Variants in MED12L observed in about 807,000 individuals in gnomAD.
The protein encoded by MED12L is mediator of RNA polymerase II transcription subunit 12-like protein.
In MED12L, 60 loss-of-function variants were observed where a neutral mutation model predicts 281.3. The ratio of observed to expected loss-of-function variants is 0.21; its 90% CI spans 0.17 to 0.26. The LOEUF is 0.26. Ranked by LOEUF, MED12L falls within the 10% of genes least tolerant of loss-of-function variation. The pLI, the probability that MED12L is intolerant of heterozygous loss-of-function variation, is 1.00. For missense variants in MED12L, 2,146 were observed against 2,680.9 expected (o/e 0.80, Z 4.41); for synonymous variants, 974 against 987.2 (o/e 0.99, Z 0.25).
chr3:151,227,934 T>C (rs1348366393), intron 16 of MED12L, among the ~76,000 whole-genome samples: 1 of 152,256 alleles, frequency 6.6e-6, no homozygotes, highest in Non-Finnish European at 1.5e-5. Flanking sequence ...CCATGGTTTG[T>C]GCAACCAGCC....
chr3:151,435,552 T>TA lies in MED12L; in HGVS notation c.*2748_*2749insA, dbSNP rs1392813050. On this transcript the variant is annotated 3_prime_UTR_variant, in exon 45 of 45. Transcript: ENST00000687756. ...TTGGCAGGGGCTAACTTATTAGTAATTCTCGGTTTTGTGCACTGAGATATC... is the reference window on the plus strand; with the variant it reads ...TTGGCAGGGGCTAACTTATTAGTAATATCTCGGTTTTGTGCACTGAGATATC... The TA allele has an allele frequency of 1.3e-5, 2 of 152,142 alleles. No homozygotes were observed. Among genetic ancestry groups the TA allele is most frequent in the African/African-American group, 4.8e-5 (2 of 41,420 alleles). 9.4% of individuals were successfully genotyped at this position (152,142 alleles called of 1,614,324 possible).
At chr3:151,210,629 C>G (rs568424940) in intron 16 of MED12L, among the ~76,000 whole-genome samples, 47 of 152,342 alleles carry the variant, frequency 3.1e-4, no homozygotes, top group African/African-American at 1.1e-3. Context: ...GGTTTTTAGT[C>G]GTCATGAGTG....
intron 39 of MED12L, among the ~76,000 whole-genome samples, chr3:151,396,185 A>AT (rs1232246693): frequency 6.8e-6 from 1 of 147,634 alleles, no homozygotes; most frequent in Non-Finnish European, 1.5e-5. Flanking sequence ...GTTTAGAGCC[A>AT]TTTAAAACCT....
chr3:151,381,236 C>G (rs1044170786), intron 32 of MED12L, among the ~76,000 whole-genome samples: 12 of 152,274 alleles, frequency 7.9e-5, no homozygotes, highest in African/African-American at 2.9e-4. Context: ...TCGAATGGTA[C>G]TAGATGGACA....
intron 16 of MED12L, among the ~76,000 whole-genome samples, chr3:151,265,518 C>T (rs760744813): frequency 5.3e-5 from 8 of 152,144 alleles, no homozygotes; most frequent in Non-Finnish European, 8.8e-5. Flanking sequence ...CGGTCACTGC[C>T]ATCATCCTCC....
At chr3:151,242,637 C>G (rs1734439549) in intron 16 of MED12L, among the ~76,000 whole-genome samples, 1 of 152,158 alleles carries the variant, frequency 6.6e-6, no homozygotes, top group South Asian at 2.1e-4. Context: ...CATCAAAGAC[C>G]AAAAGTAGAT....
At chr3:151,367,536 T>G in intron 23 of MED12L, 110 bp from the exon 24 acceptor site, 1 of 911,348 alleles carries the variant, frequency 1.1e-6, no homozygotes, top group Non-Finnish European at 1.6e-6. Flanking sequence ...TGCTGGTTCA[T>G]GTTGGGATTT....
intron 16 of MED12L, among the ~76,000 whole-genome samples, chr3:151,217,501 C>G (rs1728474755): frequency 6.6e-6 from 1 of 152,222 alleles, no homozygotes; most frequent in Non-Finnish European, 1.5e-5. Flanking sequence ...GCAGCTTTGC[C>G]TCCTGAAATG....
At chr3:151,218,286 C>T (rs188597588) in intron 16 of MED12L, among the ~76,000 whole-genome samples, 2 of 152,250 alleles carry the variant, frequency 1.3e-5, no homozygotes, top group Admixed American at 1.3e-4. Context: ...TCATGCCAGT[C>T]CATTAAAGAG....
At chr3:151,306,612 G>A (rs1269887096) in intron 16 of MED12L, among the ~76,000 whole-genome samples, 1 of 152,222 alleles carries the variant, frequency 6.6e-6, no homozygotes, top group Non-Finnish European at 1.5e-5. Flanking sequence ...CACAGAGCCA[G>A]CCTGCTGTTG....
chr3:151,430,205 T>A, intron 43 of MED12L, 94 bp from the exon 44 acceptor site: 1 of 1,569,522 alleles, frequency 6.4e-7, no homozygotes, highest in Non-Finnish European at 8.7e-7. Context: ...TGTTGAGAAG[T>A]ACCTTACAGA....
In MED12L at chr3:151,388,230, C is replaced by G. The variant is rs891458305; in HGVS notation, c.5451+58C>G. The G allele has an allele frequency of 2.6e-6, 4 of 1,522,962 alleles. No individual in the cohort carries two copies. The South Asian group carries it at 3.9e-5, about 15-fold the overall frequency. The allele number at this position is 1,522,962 out of a possible 1,614,324, so 94.3% of individuals were successfully genotyped here. A position where few individuals can be genotyped will look rare whatever the true frequency, so the allele number is the denominator to read the frequency against. On this transcript the variant is annotated intron_variant, in intron 37 of 44. Transcript: ENST00000687756. ...ATTAGCATTTAGTATGAGATTTACT[C>G]GTGCCCAAATCATATCCCTCGAAAC...
At chr3:151,378,950 C>CT (rs1711714574) in intron 31 of MED12L, among the ~76,000 whole-genome samples, 1 of 152,184 alleles carries the variant, frequency 6.6e-6, no homozygotes, top group South Asian at 2.1e-4. Flanking sequence ...GGTAGGTACT[C>CT]TCATTATCTT....
At chr3:151,386,314 C>G (rs1178210747) in intron 36 of MED12L, among the ~76,000 whole-genome samples, 1 of 152,186 alleles carries the variant, frequency 6.6e-6, no homozygotes, top group African/African-American at 2.4e-5. Context: ...GGAAAAAGTT[C>G]TCATCTCAAG....
chr3:151,205,708 C>G (rs759259747), intron 16 of MED12L, among the ~76,000 whole-genome samples: 9 of 152,128 alleles, frequency 5.9e-5, no homozygotes, highest in Non-Finnish European at 1.2e-4. Context: ...GAAATTAAGG[C>G]CCACTCAAGC....
intron 16 of MED12L, among the ~76,000 whole-genome samples, chr3:151,207,125 A>G (rs1161651439): frequency 6.7e-6 from 1 of 150,242 alleles, no homozygotes; most frequent in East Asian, 2.0e-4. Flanking sequence ...AGGTCTAATC[A>G]TAGCTTGCTG....
At chr3:151,428,914 G>T (rs9882790) in intron 43 of MED12L, among the ~76,000 whole-genome samples, 2 of 152,164 alleles carry the variant, frequency 1.3e-5, no homozygotes, top group East Asian at 3.8e-4. Flanking sequence ...TTAACTGGAC[G>T]TGCTGCGTTT....
At chr3:151,116,030 C>T (rs899528338) in intron 2 of MED12L, among the ~76,000 whole-genome samples, 2 of 142,846 alleles carry the variant, frequency 1.4e-5, no homozygotes, top group African/African-American at 2.7e-5. Flanking sequence ...CGCCGCTGCA[C>T]TCCAGGCTGG....
At chr3:151,210,025 T>C (rs1256245637) in intron 16 of MED12L, among the ~76,000 whole-genome samples, 1 of 152,230 alleles carries the variant, frequency 6.6e-6, no homozygotes, top group African/African-American at 2.4e-5. Context: ...GTCTTCAGTG[T>C]GCCTTCCATG....
Sources: gnomAD v4.1 joint callset for allele counts (sites outside exome capture counted in the v4.1 genomes callset) on GRCh38, gnomAD v4.1.1 for gene constraint, MANE v1.5 for transcripts, NCBI Gene and HGNC (gene_info 2026-07-23, HGNC 2026-07-21) for gene names.